Variants in PALLD observed in about 807,000 individuals in gnomAD.
PALLD encodes the protein palladin.
Under a neutral mutation model 123.5 loss-of-function variants are expected in PALLD, and 61 were observed. The observed-to-expected ratio is 0.49, with a 90% CI of 0.40 to 0.61. PALLD has a LOEUF of 0.61. Ranked by LOEUF, PALLD falls within the 20% of genes least tolerant of loss-of-function variation. PALLD has a pLI of 0.00. For missense variants in PALLD, 1,273 were observed against 1,377.0 expected (o/e 0.92, Z 1.20); for synonymous variants, 465 against 496.4 (o/e 0.94, Z 0.84).
intron 1 of PALLD, among the ~76,000 whole-genome samples, chr4:168,504,019 C>T (rs186223420): frequency 1.1e-3 from 161 of 152,322 alleles, no homozygotes; most frequent in Admixed American, 7.6e-3. Context: ...GAAATTATCA[C>T]GCTCCTCCTT....
intron 2 of PALLD, among the ~76,000 whole-genome samples, chr4:168,521,862 A>G (rs2149456258): frequency 6.6e-6 from 1 of 152,346 alleles, no homozygotes; most frequent in South Asian, 2.1e-4. Flanking sequence ...TGGTCTCTGT[A>G]TAACATACTA....
intron 2 of PALLD, chr4:168,530,474 C>A (rs901898770): frequency 6.6e-5 from 10 of 152,202 alleles, no homozygotes; most frequent in Non-Finnish European, 1.3e-4. Flanking sequence ...GTTCCTGCCT[C>A]TCACAATATT....
intron 2 of PALLD, among the ~76,000 whole-genome samples, chr4:168,615,034 T>C (rs1216682120): frequency 6.6e-6 from 1 of 152,136 alleles, no homozygotes; most frequent in Non-Finnish European, 1.5e-5. Context: ...GGAGGTTCAT[T>C]GATTAGGGTT....
chr4:168,914,030 C>T lies in PALLD; in HGVS notation c.2717+9C>T. The T allele has an allele frequency of 6.7e-7, 1 of 1,495,746 alleles. No individual in the cohort carries two copies. The highest frequency in any genetic ancestry group is 9.3e-7 in the Non-Finnish European group (1 of 1,072,338). 92.7% of individuals were successfully genotyped at this position (1,495,746 alleles called of 1,614,324 possible). A position where few individuals can be genotyped will look rare whatever the true frequency, so the allele number is the denominator to read the frequency against. On this transcript the variant is annotated intron_variant, in intron 16 of 21. Coordinates refer to ENST00000505667, the MANE Select transcript of PALLD (RefSeq NM_001166108.2). ...CATCCTCATGTCAGAAGGTATTTAA[C>T]ATGTTCCTTCCCAGAAGTGTTACAT...
At position 168,668,219 on chromosome 4, in the gene PALLD, A is replaced by G. The variant is rs1427201358; in HGVS notation, c.938A>G (p.Asn313Ser). The G allele has an allele frequency of 6.2e-6, 10 of 1,614,024 alleles. No homozygotes were observed. Among genetic ancestry groups the G allele is most frequent in the Non-Finnish European group, 8.5e-6 (10 of 1,179,990 alleles). ...RWFCEGKELH[N>S]TPDIQIHCEG... ...TTCTGTGAAGGGAAAGAACTGCACA[A>G]CACTCCTGATATTCAAATCCACTGT... Residue 313 changes from asparagine to serine, a missense_variant, in exon 3 of 22, where the codon AAC (asparagine) becomes AGC (serine). Around this residue, in one of 2 missense-constraint regions of PALLD, gnomAD observed 944 missense variants for 954.5 expected, o/e 0.99. Coordinates refer to ENST00000505667, the MANE Select transcript of PALLD (RefSeq NM_001166108.2).
At position 168,640,673 on chromosome 4, in the gene PALLD, A is replaced by G. The variant is rs1054194049; in HGVS notation, c.909-27517A>G. Among the ~76,000 whole-genome samples, 4 of 152,368 alleles carry G rather than the reference A, an allele frequency of 2.6e-5. No homozygotes were observed. The South Asian group carries it at 8.3e-4, about 32-fold the overall frequency. On this transcript the variant is annotated intron_variant, in intron 2 of 21. Coordinates refer to ENST00000505667, the MANE Select transcript of PALLD (RefSeq NM_001166108.2). ...CCTTTGGCTCAGAAATGTGATAATTATGAATATTTGCACTTATAAATCACT... is the reference window on the plus strand; with the variant it reads ...CCTTTGGCTCAGAAATGTGATAATTGTGAATATTTGCACTTATAAATCACT...
chr4:168,909,619 AT>A (rs1472028185), intron 15 of PALLD, among the ~76,000 whole-genome samples: 1 of 152,160 alleles, frequency 6.6e-6, no homozygotes, highest in Admixed American at 6.5e-5. Context: ...CCCTTCCATT[AT>A]TCTTATGTTC....
chr4:168,664,282 G>A (rs952050740), intron 2 of PALLD, among the ~76,000 whole-genome samples: 1 of 151,250 alleles, frequency 6.6e-6, no homozygotes, highest in Admixed American at 6.6e-5. Flanking sequence ...GTGATGATGA[G>A]TTTAAGGCTA....
At chr4:168,516,001 G>A (rs1762956218) in intron 2 of PALLD, among the ~76,000 whole-genome samples, 1 of 152,164 alleles carries the variant, frequency 6.6e-6, no homozygotes, top group Non-Finnish European at 1.5e-5. Context: ...TTCAAGGCAA[G>A]GCATTTGTAC....
intron 9 of PALLD, among the ~76,000 whole-genome samples, chr4:168,709,393 C>G (rs1190730412): frequency 6.6e-6 from 1 of 150,966 alleles, no homozygotes; most frequent in South Asian, 2.1e-4. Context: ...GCCTGTAATC[C>G]CAGCTACTCT....
intron 10 of PALLD, among the ~76,000 whole-genome samples, chr4:168,865,036 T>A (rs1380779353): frequency 6.6e-6 from 1 of 152,244 alleles, no homozygotes; most frequent in Non-Finnish European, 1.5e-5. Context: ...GTGGTTTTAG[T>A]CATTTCTCAG....
At chr4:168,830,787 GA>G in intron 10 of PALLD, among the ~76,000 whole-genome samples, 7 of 152,232 alleles carry the variant, frequency 4.6e-5, no homozygotes, top group Non-Finnish European at 8.8e-5. Flanking sequence ...CTACCTGGCT[GA>G]AGACAGTGAA....
chr4:168,789,122 C>T (rs1239581486), intron 10 of PALLD, among the ~76,000 whole-genome samples: 8 of 152,188 alleles, frequency 5.3e-5, no homozygotes, highest in Admixed American at 4.6e-4. Flanking sequence ...GACATACATA[C>T]TCTTTCGTAT....
At chr4:168,509,597 G>C (rs1762341325) in intron 1 of PALLD, among the ~76,000 whole-genome samples, 1 of 152,182 alleles carries the variant, frequency 6.6e-6, no homozygotes, top group African/African-American at 2.4e-5. Context: ...GAATTAGAGT[G>C]ATATTTGGGT....
At chr4:168,755,203 A>T (rs1182570956) in intron 10 of PALLD, among the ~76,000 whole-genome samples, 4 of 149,060 alleles carry the variant, frequency 2.7e-5, no homozygotes, top group African/African-American at 9.9e-5. Flanking sequence ...ACTGCACTCC[A>T]GCCTGGGCGA....
At chr4:168,888,199 G>T (rs1378708509) in intron 10 of PALLD, among the ~76,000 whole-genome samples, 1 of 152,166 alleles carries the variant, frequency 6.6e-6, no homozygotes. Flanking sequence ...CTGTCTCAGG[G>T]TCTCCTTAAA....
chr4:168,865,143 C>T (rs1005441902), intron 10 of PALLD, among the ~76,000 whole-genome samples: 1 of 152,246 alleles, frequency 6.6e-6, no homozygotes, highest in African/African-American at 2.4e-5. Context: ...GGGGAAATGG[C>T]TAGGCAGCAC....
chr4:168,918,624 C>G (rs992375634), intron 17 of PALLD, among the ~76,000 whole-genome samples: 4 of 151,992 alleles, frequency 2.6e-5, no homozygotes, highest in African/African-American at 9.7e-5. Context: ...AACATGGTGA[C>G]TATAGTTAAT....
chr4:168,690,937 T>C (rs1319050338), intron 7 of PALLD, among the ~76,000 whole-genome samples, 193 bp downstream of exon 7: 1 of 152,204 alleles, frequency 6.6e-6, no homozygotes, highest in Non-Finnish European at 1.5e-5. Flanking sequence ...GAAAGTCATA[T>C]ATTCTTTCGT....
Sources: allele counts gnomAD v4.1 joint callset (sites outside exome capture counted in the v4.1 genomes callset), GRCh38; gene constraint gnomAD v4.1.1; regional missense constraint gnomAD v4.1.1; transcripts MANE v1.5; gene names NCBI Gene and HGNC (gene_info 2026-07-23, HGNC 2026-07-21).